Variants in TRMT44 observed in about 807,000 individuals in gnomAD.
TRMT44 encodes tRNA methyltransferase 44 homolog.
TRMT44 carries 78 observed loss-of-function variants against 77.3 expected under a neutral mutation model. The ratio of observed to expected loss-of-function variants is 1.01; its 90% confidence interval spans 0.84 to 1.22. TRMT44 has a LOEUF of 1.22. TRMT44 is among the 50% of genes most tolerant of loss of function. The pLI, the probability that TRMT44 is intolerant of heterozygous loss-of-function variation, is 0.00. For missense variants in TRMT44, 1,090 were observed against 964.4 expected, an observed-to-expected ratio of 1.13 and a Z score of -1.73; for synonymous variants, 391 against 383.3, an observed-to-expected ratio of 1.02 and a Z score of -0.23.
the TRMT44 span, chr4:8,512,208 A>T: frequency 6.6e-6 from 1 of 151,876 alleles, no homozygotes; most frequent in Non-Finnish European, 1.5e-5. Flanking sequence ...CTGGGGCTAC[A>T]GGCACCCGCC....
intron 6 of TRMT44, among the ~76,000 whole-genome samples, chr4:8,455,326 G>T (rs1025762943): frequency 6.6e-6 from 1 of 152,252 alleles, no homozygotes; most frequent in Non-Finnish European, 1.5e-5. Flanking sequence ...CCTACTTGGG[G>T]CCTCTGAGAA....
At position 8,468,054 on chromosome 4, in the gene TRMT44, G is replaced by A; in HGVS notation, c.1635G>A (p.Trp545Ter). The change falls in exon 9 of 11, where the codon TGG (tryptophan) becomes TGA (stop). Residue 545 changes from tryptophan (W) to a stop codon, truncating the protein, a stop_gained. Coordinates refer to ENST00000389737, the MANE Select transcript of TRMT44 (RefSeq NM_152544.3). LOFTEE classifies it high-confidence loss of function. ...GGGAGCTTTCCCCTTCTCCACGCTG[G>A]GTTGCTGCTGGCAGTGCTGGTCACT... ...PGWELSPSPR[W>*]VAAGSAGHCD... 1 of 1,613,978 alleles carries A rather than the reference G, an allele frequency of 6.2e-7. No individual in the cohort carries two copies. Among genetic ancestry groups the A allele is most frequent in the Non-Finnish European group, 8.5e-7 (1 of 1,180,050 alleles).
At chr4:8,466,519 C>A (rs924954432) in intron 8 of TRMT44, among the ~76,000 whole-genome samples, 3 of 152,242 alleles carry the variant, frequency 2.0e-5, no homozygotes, top group Non-Finnish European at 2.9e-5. Context: ...GCCTCAGGGC[C>A]GCTGGCGCTG....
the TRMT44 span, chr4:8,509,720 G>A: frequency 6.5e-6 from 1 of 152,680 alleles, no homozygotes; most frequent in South Asian, 2.1e-4. Flanking sequence ...CCACGTCGCT[G>A]TTCTCACCAG....
chr4:8,449,719 T>C lies in TRMT44; in HGVS notation c.785T>C (p.Ile262Thr), dbSNP rs1725301567. Residue 262 changes from isoleucine to threonine, a missense_variant, in exon 3 of 11, where the codon ATC becomes ACC. Coordinates refer to ENST00000389737, the MANE Select transcript of TRMT44 (RefSeq NM_152544.3). ...CCAGAAAGATGGCATTCAGATGGAA[T>C]CGTGTATCCCAAACCCACGTGGCTT... Reference protein sequence around the residue: ...FCPERWHSDGIVYPKPTWLGE... With the variant: ...FCPERWHSDGTVYPKPTWLGE... 2.0e-6 allele frequency: 3 copies of C among 1,536,110 alleles called. No individual in the cohort carries two copies. The highest frequency in any genetic ancestry group is 1.4e-5 in the African/African-American group (1 of 73,168).
intron 8 of TRMT44, among the ~76,000 whole-genome samples, chr4:8,467,229 G>T (rs970203162): frequency 1.3e-5 from 2 of 152,202 alleles, no homozygotes; most frequent in African/African-American, 4.8e-5. Flanking sequence ...GGGGCACTCT[G>T]CAACTCTGCA....
chr4:8,474,928 C>G (rs1727277138), intron 10 of TRMT44, among the ~76,000 whole-genome samples: 2 of 152,316 alleles, frequency 1.3e-5, no homozygotes, highest in South Asian at 4.1e-4. Flanking sequence ...CTGGCCCCAC[C>G]CCACTCTGAT....
chr4:8,461,558 T>C lies in TRMT44; in HGVS notation c.1204-2427T>C, dbSNP rs903752871. 3.9e-5 allele frequency among the ~76,000 whole-genome samples: 6 copies of C among 152,122 alleles called. No homozygotes were observed. Among genetic ancestry groups the C allele is most frequent in the Non-Finnish European group, 7.4e-5 (5 of 68,018 alleles). ...AGAACGGGCGGAGGCTCTAGTTCTT[T>C]AGCTGAGGTTTCCCAGCAGCCTGCA... On this transcript the variant is annotated intron_variant, in intron 6 of 10. Transcript: ENST00000389737. This position sits in a 1 kb window ranked among gnomAD's most constrained non-coding sequence, Gnocchi z 4.6.
intron 10 of TRMT44, among the ~76,000 whole-genome samples, chr4:8,474,287 A>G (rs1727218351): frequency 6.6e-6 from 1 of 152,200 alleles, no homozygotes. Context: ...AGTGGCCAGG[A>G]TGTGCCCTTC....
At chr4:8,469,003 C>T (rs936006583) in intron 9 of TRMT44, among the ~76,000 whole-genome samples, 7 of 152,228 alleles carry the variant, frequency 4.6e-5, no homozygotes, top group Non-Finnish European at 1.0e-4. Context: ...GAGAAGAGCA[C>T]GGAGCCCCAT....
Position 8,476,022 on chromosome 4 carries a change from G to C in TRMT44, c.*21G>C. 6.2e-7 allele frequency: 1 copy of C among 1,609,254 alleles called. No individual in the cohort carries two copies. The highest frequency in any genetic ancestry group is 8.5e-7 in the Non-Finnish European group (1 of 1,176,942). ...CATGAGCTGCATCCTTGCCAGCCGA[G>C]GCCTGGTTGGGGAGGCCAAACCAAG... On this transcript the variant is annotated 3_prime_UTR_variant, in exon 11 of 11. Transcript: ENST00000389737.
chr4:8,496,383 A>G (rs2109243384), downstream of TRMT44, among the ~76,000 whole-genome samples: 1 of 152,350 alleles, frequency 6.6e-6, no homozygotes, highest in Non-Finnish European at 1.5e-5. Flanking sequence ...CCCGGCCTGC[A>G]GCAGCACCTT....
chr4:8,473,189 T>C (rs1727137997), intron 10 of TRMT44: 1 of 152,304 alleles, frequency 6.6e-6, no homozygotes, highest in South Asian at 2.1e-4. Context: ...TGTTTCCAGA[T>C]GGCTTCAGGT....
chr4:8,465,951 G>A (rs16842325), intron 8 of TRMT44, among the ~76,000 whole-genome samples: 20,144 of 152,248 alleles, frequency 0.13, 2,070 homozygotes, highest in African/African-American at 0.28. Context: ...GAAGTTCACA[G>A]TGATTTCCCA....
intron 9 of TRMT44, 106 bp from the exon 10 acceptor site, chr4:8,470,978 A>G (rs1560239489): frequency 1.4e-6 from 1 of 726,436 alleles, no homozygotes; most frequent in Admixed American, 2.3e-5. Context: ...TGGAGTGCAT[A>G]ACGCGTGTGA....
intron 2 of TRMT44, among the ~76,000 whole-genome samples, chr4:8,483,723 C>T (rs142284103): frequency 0.023 from 3,473 of 152,174 alleles, 68 homozygotes; most frequent in African/African-American, 0.054. Flanking sequence ...CTGATTTGAC[C>T]AATAAAGGCT....
At chr4:8,474,688 C>G (rs1727252938) in intron 10 of TRMT44, among the ~76,000 whole-genome samples, 1 of 152,216 alleles carries the variant, frequency 6.6e-6, no homozygotes, top group Admixed American at 6.5e-5. Context: ...CCTTTATTCC[C>G]CCGAGCCTTC....
chr4:8,481,636 A>G (rs1579095280), intron 2 of TRMT44, among the ~76,000 whole-genome samples: 1 of 152,096 alleles, frequency 6.6e-6, no homozygotes, highest in Non-Finnish European at 1.5e-5. Flanking sequence ...AATATTCTTT[A>G]TATTATATCA....
At chr4:8,484,752 T>C (rs1275654295) in intron 2 of TRMT44, among the ~76,000 whole-genome samples, 1 of 152,126 alleles carries the variant, frequency 6.6e-6, no homozygotes, top group Non-Finnish European at 1.5e-5. Flanking sequence ...TTTGTGAGTT[T>C]ATATAATGGT....
Sources: allele counts gnomAD v4.1 joint callset (sites outside exome capture counted in the v4.1 genomes callset), GRCh38; gene constraint gnomAD v4.1.1; non-coding constraint Gnocchi (gnomAD v3.1); transcripts MANE v1.5; gene names NCBI Gene and HGNC (gene_info 2026-07-23, HGNC 2026-07-21).